NNT: variants seen among roughly 807,000 people sequenced by gnomAD.
NNT encodes the protein NAD(P) transhydrogenase, mitochondrial.
NNT carries 50 observed loss-of-function variants against 104.8 expected under a neutral mutation model. The ratio of observed to expected loss-of-function variants is 0.48; its 90% CI spans 0.38 to 0.60. The LOEUF (loss-of-function observed/expected upper bound fraction) is 0.60. Among genes scored for constraint, NNT ranks in the 20% least tolerant of loss-of-function variants. NNT has a pLI of 0.00. For missense variants in NNT, 1,131 were observed against 1,330.7 expected (o/e 0.85, Z 2.33); for synonymous variants, 461 against 490.4 (o/e 0.94, Z 0.79).
At chr5:43,666,154 G>A (rs952787656) in intron 17 of NNT, among the ~76,000 whole-genome samples, 2 of 151,764 alleles carry the variant, frequency 1.3e-5, no homozygotes, top group Non-Finnish European at 1.5e-5. Context: ...GACGATGGGC[G>A]GCCAGGCAGA....
chr5:43,702,164 T>C (rs923129056), intron 20 of NNT, among the ~76,000 whole-genome samples: 3 of 152,326 alleles, frequency 2.0e-5, no homozygotes, highest in Admixed American at 1.3e-4. Flanking sequence ...TTCTGAGGAC[T>C]TAGTCATAAA....
intron 17 of NNT, 142 bp from the exon 18 acceptor site, chr5:43,675,369 G>A: frequency 1.6e-6 from 1 of 625,130 alleles, no homozygotes; most frequent in Non-Finnish European, 2.4e-6. Context: ...TCAGAAACCA[G>A]CTGAAATTTA....
At chr5:43,662,443 C>T (rs956265909) in intron 17 of NNT, among the ~76,000 whole-genome samples, 3 of 152,118 alleles carry the variant, frequency 2.0e-5, no homozygotes, top group South Asian at 2.1e-4. Flanking sequence ...TTCACTGCCA[C>T]AGGCATGCCA....
At chr5:43,665,317 G>A in intron 17 of NNT, among the ~76,000 whole-genome samples, 1 of 151,684 alleles carries the variant, frequency 6.6e-6, no homozygotes, top group Non-Finnish European at 1.5e-5. Flanking sequence ...CAATAGTGGA[G>A]GGAAGGTCAG....
chr5:43,656,776 C>G lies in NNT; in HGVS notation c.2417C>G (p.Thr806Ser). The change falls in exon 16 of 22, where the codon ACC becomes AGC. Residue 806 changes from threonine to serine, a missense_variant. Transcript: ENST00000344920. ...MVDPSFTTGI[T>S]CLGSVSALSA... The stretch of plus-strand genomic sequence containing the variant: ...GACCCAAGCTTTACTACTGGCATCA[C>G]CTGTCTGGGTTCAGTGTCTGCTCTC... The G allele has an allele frequency of 6.2e-7, 1 of 1,614,048 alleles. No homozygotes were observed. Among genetic ancestry groups the G allele is most frequent in the Non-Finnish European group, 8.5e-7 (1 of 1,179,994 alleles).
At chr5:43,657,420 T>C (rs1477648858) in intron 16 of NNT, among the ~76,000 whole-genome samples, 6 of 152,234 alleles carry the variant, frequency 3.9e-5, no homozygotes, top group Admixed American at 2.6e-4. Context: ...TATATCAATG[T>C]ATGATGCTGT....
Position 43,651,959 on chromosome 5 carries a change from C to T in NNT, c.1863+75C>T, listed in dbSNP as rs578144785. The T allele has an allele frequency of 3.9e-4, 580 of 1,471,658 alleles. 1 individual carries two copies. Among genetic ancestry groups the T allele is most frequent in the Admixed American group, 5.1e-4 (28 of 54,520 alleles). The allele number at this position is 1,471,658 out of a possible 1,614,324, so 91.2% of individuals were successfully genotyped here. A position where few individuals can be genotyped will look rare whatever the true frequency, so the allele number is the denominator to read the frequency against. ...TATTAGATTTAACATTGTTAGTTAT[C>T]CTAATTCAAAGTATCGAGCAAATAC... On this transcript the variant is annotated intron_variant, in intron 13 of 21. Coordinates refer to ENST00000344920, the MANE Select transcript of NNT (RefSeq NM_182977.3).
intron 19 of NNT, among the ~76,000 whole-genome samples, chr5:43,697,047 G>C (rs968389986): frequency 6.6e-6 from 1 of 152,312 alleles, no homozygotes; most frequent in East Asian, 1.9e-4. Flanking sequence ...TCTGTAGCTG[G>C]CTTGAATTTC....
rs751779126 is a variant in NNT, at chr5:43,704,319, A to G, written c.3176A>G (p.Lys1059Arg). 1.9e-6 allele frequency: 3 copies of G among 1,611,828 alleles called. No homozygotes were observed. The highest frequency in any genetic ancestry group is 2.5e-6 in the Non-Finnish European group (3 of 1,179,020). The change falls in exon 22 of 22, where the codon AAA (lysine) becomes AGA (arginine). Residue 1059 changes from lysine to arginine, a missense_variant. Transcript: ENST00000344920. ...GCAGTGGACAATCCAATCTTCTACA[A>G]ACCTAACACGGCCATGCTTCTAGGT... is the stretch of plus-strand genomic sequence containing the variant. ...YAAVDNPIFY[K>R]PNTAMLLGDA...
chr5:43,625,357 C>T (rs538285078), intron 6 of NNT, among the ~76,000 whole-genome samples: 1 of 152,034 alleles, frequency 6.6e-6, no homozygotes, highest in Admixed American at 6.5e-5. Flanking sequence ...TAGAAAAATA[C>T]AAAAACTCAA....
In NNT at chr5:43,645,461, C is replaced by T. The variant is rs1255899437; in HGVS notation, c.1395C>T (p.Thr465=). Residue 465 remains threonine, a synonymous_variant, in exon 10 of 22, where the codon ACC becomes ACT. Coordinates refer to ENST00000344920, the MANE Select transcript of NNT (RefSeq NM_182977.3). ...VAELEAEKAA[T]ITPFRKTMST... ...AGCTGGAAGCTGAAAAAGCAGCTAC[C>T]ATTACACCCTTCAGGAAGACAATGT... The T allele has an allele frequency of 6.4e-7, 1 of 1,573,352 alleles. No homozygotes were observed. The highest frequency in any genetic ancestry group is 8.6e-7 in the Non-Finnish European group (1 of 1,158,494).
intron 17 of NNT, among the ~76,000 whole-genome samples, chr5:43,661,653 A>G (rs1162968179): frequency 6.9e-6 from 1 of 145,140 alleles, no homozygotes; most frequent in African/African-American, 2.6e-5. Flanking sequence ...GAGTGAGAAC[A>G]TTCGGTGTTT....
At chr5:43,691,072 TG>T (rs1742254253) in intron 19 of NNT, among the ~76,000 whole-genome samples, 1 of 55,404 alleles carries the variant, frequency 1.8e-5, no homozygotes, top group Non-Finnish European at 4.7e-5. Flanking sequence ...TTTGAGAGAG[TG>T]TGTGTGTGTG....
chr5:43,632,544 C>A (rs1750730063), intron 7 of NNT, among the ~76,000 whole-genome samples: 1 of 152,150 alleles, frequency 6.6e-6, no homozygotes. Flanking sequence ...TGTTATGCTG[C>A]CTGATATCTT....
At position 43,700,162 on chromosome 5, in the gene NNT, A is replaced by T; in HGVS notation, c.2920A>T (p.Asn974Tyr). ...PVAGRMPGQL[N>Y]VLLAEAGVPY... ...TGCAGGCCGAATGCCTGGTCAGCTTAATGTGCTGCTGGCTGAGGCTGGTGT... is the reference window on the plus strand; with the variant it reads ...TGCAGGCCGAATGCCTGGTCAGCTTTATGTGCTGCTGGCTGAGGCTGGTGT... The change falls in exon 20 of 22, where the codon AAT becomes TAT. Residue 974 changes from asparagine (N) to tyrosine (Y), a missense_variant. Transcript: ENST00000344920. 2 of 1,613,718 alleles carry T rather than the reference A, an allele frequency of 1.2e-6. No individual in the cohort carries two copies. Among genetic ancestry groups the T allele is most frequent in the Non-Finnish European group, 1.7e-6 (2 of 1,179,788 alleles).
intron 7 of NNT, among the ~76,000 whole-genome samples, chr5:43,642,603 AG>A (rs1006365035): frequency 8.5e-5 from 13 of 152,186 alleles, no homozygotes; most frequent in African/African-American, 3.1e-4. Context: ...TGTGGCAGCG[AG>A]CCCAGTGTGG....
intron 18 of NNT, among the ~76,000 whole-genome samples, chr5:43,677,428 C>T (rs543722601): frequency 6.9e-6 from 1 of 145,452 alleles, no homozygotes; most frequent in South Asian, 2.2e-4. Context: ...GAGAGAGAGA[C>T]AGAGACAGAG....
chr5:43,647,430 G>A (rs1225543568), intron 10 of NNT, among the ~76,000 whole-genome samples: 1 of 152,126 alleles, frequency 6.6e-6, no homozygotes, highest in Admixed American at 6.5e-5. Context: ...AGGGCATATT[G>A]CTTCTTAATA....
At chr5:43,697,880 A>G (rs1742638781) in intron 19 of NNT, among the ~76,000 whole-genome samples, 1 of 152,322 alleles carries the variant, frequency 6.6e-6, no homozygotes, top group East Asian at 1.9e-4. Flanking sequence ...AGCTGCCCCC[A>G]TGATTCAGTA....
Sources: allele counts gnomAD v4.1 joint callset (sites outside exome capture counted in the v4.1 genomes callset), GRCh38; gene constraint gnomAD v4.1.1; transcripts MANE v1.5; gene names NCBI Gene and HGNC (gene_info 2026-07-23, HGNC 2026-07-21).